Variants in ABCA4 observed in about 807,000 individuals in gnomAD.
The protein encoded by ABCA4 is retinal-specific phospholipid-transporting ATPase ABCA4.
ABCA4 carries 196 observed loss-of-function variants against 263.7 expected under a neutral mutation model. The ratio of observed to expected loss-of-function variants is 0.74; its 90% CI spans 0.66 to 0.84. The LOEUF (loss-of-function observed/expected upper bound fraction) is 0.84. Among genes scored for constraint, ABCA4 ranks in the 40% least tolerant of loss-of-function variants. The pLI is 0.00. For synonymous variants in ABCA4, 1,133 were observed against 1,094.2 expected (o/e 1.04, Z -0.70); for missense variants, 2,792 against 2,855.1 (o/e 0.98, Z 0.50).
At chr1:94,070,250 G>C (rs186555760) in intron 11 of ABCA4, among the ~76,000 whole-genome samples, 1 of 152,148 alleles carries the variant, frequency 6.6e-6, no homozygotes, top group Non-Finnish European at 1.5e-5. Context: ...CAGTTTTCTG[G>C]CAGTAAAACA....
At chr1:94,005,645 G>C in intron 43 of ABCA4, 63 bp from the exon 44 acceptor site, 1 of 1,552,884 alleles carries the variant, frequency 6.4e-7, no homozygotes, top group Non-Finnish European at 8.8e-7. Flanking sequence ...CATAGAGCTA[G>C]GGCTGGAGAA....
At chr1:94,014,833 A>T in intron 37 of ABCA4, 143 bp from the exon 38 acceptor site, 1 of 1,067,046 alleles carries the variant, frequency 9.4e-7, no homozygotes, top group Non-Finnish European at 1.4e-6. Flanking sequence ...GAGATACTCC[A>T]TTTGTTGGTC....
intron 26 of ABCA4, among the ~76,000 whole-genome samples, chr1:94,035,957 C>A (rs1383271676): frequency 6.6e-6 from 1 of 152,174 alleles, no homozygotes; most frequent in Non-Finnish European, 1.5e-5. Context: ...GAATTTTGGT[C>A]CCCATGTTTT....
chr1:94,021,799 T>A (rs535262225), intron 33 of ABCA4, 47 bp downstream of exon 33: 1 of 1,607,674 alleles, frequency 6.2e-7, no homozygotes, highest in Admixed American at 1.7e-5. Context: ...TTCATGGTAG[T>A]TAAGCAAGTC....
At chr1:94,023,822 G>A (rs1208739092) in intron 31 of ABCA4, among the ~76,000 whole-genome samples, 1 of 152,160 alleles carries the variant, frequency 6.6e-6, no homozygotes, top group Non-Finnish European at 1.5e-5. Flanking sequence ...CCTCGGGGGA[G>A]TTCCGACTCA....
intron 48 of ABCA4, among the ~76,000 whole-genome samples, chr1:93,996,989 G>GA (rs1557757181): frequency 6.6e-6 from 1 of 152,156 alleles, no homozygotes. Context: ...AGGGCGAGGG[G>GA]GGCAGTAAGT....
intron 44 of ABCA4, among the ~76,000 whole-genome samples, chr1:94,003,322 A>C (rs1243113698): frequency 6.9e-6 from 1 of 145,296 alleles, no homozygotes; most frequent in Non-Finnish European, 1.5e-5. Flanking sequence ...TTTGTCTTTT[A>C]TGACTCTTAT....
chr1:94,002,100 C>G lies in ABCA4; in HGVS notation c.6148-108G>C, dbSNP rs934971579. 8 of 1,544,508 alleles carry G rather than the reference C, an allele frequency of 5.2e-6. No homozygotes were observed. The Admixed American group carries it at 1.4e-4, about 27-fold the overall frequency. Reference sequence around the variant, plus strand: ...ATCTCACGCCTCCAGAATGAAATCCCCAGCTAGGCTGAAACAGGCTCCTGC... The same window carrying G: ...ATCTCACGCCTCCAGAATGAAATCCGCAGCTAGGCTGAAACAGGCTCCTGC... On this transcript the variant is annotated intron_variant, in intron 44 of 49. Coordinates refer to ENST00000370225, the MANE Select transcript of ABCA4 (RefSeq NM_000350.3).
intron 14 of ABCA4, among the ~76,000 whole-genome samples, 173 bp from the exon 15 acceptor site, chr1:94,056,995 C>A (rs1331781452): frequency 1.3e-5 from 2 of 152,148 alleles, no homozygotes; most frequent in Non-Finnish European, 2.9e-5. Flanking sequence ...GGAGGAGTAG[C>A]ACATTAGACT....
chr1:94,118,887 G>A (rs1662872861), intron 1 of ABCA4, among the ~76,000 whole-genome samples: 1 of 152,242 alleles, frequency 6.6e-6, no homozygotes, highest in Non-Finnish European at 1.5e-5. Flanking sequence ...GAGCGCCACA[G>A]GAATGGGCTC....
Position 94,065,206 on chromosome 1 carries a change from C to G in ABCA4, c.1555-1889G>C, listed in dbSNP as rs189618197. 7.2e-4 allele frequency among the ~76,000 whole-genome samples: 110 copies of G among 152,206 alleles called. 2 individuals carry two copies. Among genetic ancestry groups the G allele is most frequent in the African/African-American group, 2.4e-3 (100 of 41,508 alleles). ...ACCGTGGGAAAGGCTGGATCCACAG[C>G]CTGGCGCTCAGGGCCCTCACTACTA... On this transcript the variant is annotated intron_variant, in intron 11 of 49. Transcript: ENST00000370225.
At chr1:94,025,452 C>T (rs1660015611) in intron 30 of ABCA4, 1 of 325,556 alleles carries the variant, frequency 3.1e-6, no homozygotes, top group African/African-American at 2.1e-5. Flanking sequence ...ACCCGAGCAC[C>T]TCAGTCACCT....
rs75549082 is a variant in ABCA4, at chr1:94,011,055, A to G, written c.5585-126T>C. On this transcript the variant is annotated intron_variant, in intron 39 of 49. Transcript: ENST00000370225. ...TGAGCAAGAGCCAAACACCCGCCTC[A>G]TAAGGGCTGCCCTCCATCCCTCCTG... 2.0e-3 allele frequency: 3,152 copies of G among 1,569,408 alleles called. 47 individuals are homozygous for G. The African/African-American group carries it at 0.036, about 18-fold the overall frequency.
At chr1:94,013,539 G>C (rs779231260) in intron 38 of ABCA4, among the ~76,000 whole-genome samples, 8 of 152,206 alleles carry the variant, frequency 5.3e-5, no homozygotes, top group Non-Finnish European at 1.0e-4. Flanking sequence ...ACACAGGCAC[G>C]TGGTGAGGCA....
intron 11 of ABCA4, among the ~76,000 whole-genome samples, chr1:94,068,910 G>T (rs1170530748): frequency 6.6e-6 from 1 of 152,206 alleles, no homozygotes; most frequent in Non-Finnish European, 1.5e-5. Context: ...CCATTGTAAT[G>T]CCCTATGACA....
chr1:94,000,378 A>T (rs528242077), intron 47 of ABCA4, among the ~76,000 whole-genome samples: 56 of 152,354 alleles, frequency 3.7e-4, no homozygotes, highest in African/African-American at 1.3e-3. Flanking sequence ...TTGGTTTGTC[A>T]TATAACATAT....
chr1:94,008,711 G>T (rs371118332), intron 41 of ABCA4, 40 bp downstream of exon 41: 7 of 1,613,258 alleles, frequency 4.3e-6, no homozygotes, highest in Non-Finnish European at 5.9e-6. Flanking sequence ...GCCAACTGTG[G>T]ATCTAACCAG....
intron 32 of ABCA4, among the ~76,000 whole-genome samples, chr1:94,022,223 T>TG (rs1362506902): frequency 1.3e-5 from 2 of 152,162 alleles, no homozygotes; most frequent in African/African-American, 4.8e-5. Flanking sequence ...TTCCCTGGAG[T>TG]GGCCTATTCT....
At chr1:94,001,248 T>G in intron 45 of ABCA4, 143 bp from the exon 46 acceptor site, 1 of 677,402 alleles carries the variant, frequency 1.5e-6, no homozygotes, top group South Asian at 1.7e-5. Context: ...AAGACAGGGG[T>G]ACCCTGGTGT....
Sources: allele counts gnomAD v4.1 joint callset (sites outside exome capture counted in the v4.1 genomes callset), GRCh38; gene constraint gnomAD v4.1.1; transcripts MANE v1.5; gene names NCBI Gene and HGNC (gene_info 2026-07-23, HGNC 2026-07-21).